NCKAP1: variants seen among roughly 807,000 people sequenced by gnomAD.
NCKAP1 encodes the protein nck-associated protein 1.
A neutral mutation model predicts 151.2 loss-of-function variants in NCKAP1; 21 were observed. The ratio of observed to expected loss-of-function variants is 0.14; its 90% CI spans 0.10 to 0.20. The LOEUF (loss-of-function observed/expected upper bound fraction) is 0.20, where lower values mean the gene tolerates loss of function less well. NCKAP1 is among the 10% of genes least tolerant of loss of function. The pLI is 1.00. For missense variants in NCKAP1, 933 were observed against 1,352.1 expected (o/e 0.69, Z 4.86); for synonymous variants, 484 against 451.8 (o/e 1.07, Z -0.90).
At chr2:182,979,479 C>G (rs1697894644) in intron 13 of NCKAP1, among the ~76,000 whole-genome samples, 2 of 151,900 alleles carry the variant, frequency 1.3e-5, no homozygotes, top group Admixed American at 6.6e-5. Flanking sequence ...AAAGTGGATG[C>G]TAAAAAATAA....
intron 12 of NCKAP1, 21 bp from the exon 13 acceptor site, chr2:182,981,397 A>C: frequency 6.6e-7 from 1 of 1,516,310 alleles, no homozygotes; most frequent in South Asian, 1.2e-5. Context: ...ATTTCAAGAA[A>C]AATATTCAAA....
chr2:183,007,809 C>G (rs931581920), intron 2 of NCKAP1, among the ~76,000 whole-genome samples: 3 of 152,190 alleles, frequency 2.0e-5, no homozygotes, highest in African/African-American at 7.2e-5. Flanking sequence ...CAGCTACCAC[C>G]CTAGTCATCA....
chr2:182,931,844 A>T (rs1007976978), intron 26 of NCKAP1, among the ~76,000 whole-genome samples: 13 of 152,206 alleles, frequency 8.5e-5, no homozygotes, highest in African/African-American at 3.1e-4. Flanking sequence ...TCCAAAGAAG[A>T]TATAGAAATA....
intron 13 of NCKAP1, among the ~76,000 whole-genome samples, chr2:182,979,834 T>C (rs1292218564): frequency 3.9e-5 from 6 of 152,098 alleles, no homozygotes; most frequent in South Asian, 2.1e-4. Flanking sequence ...GCAAATTACA[T>C]AAGGCATTTC....
intron 23 of NCKAP1, among the ~76,000 whole-genome samples, chr2:182,943,056 C>T (rs576778981): frequency 6.6e-6 from 1 of 152,228 alleles, no homozygotes; most frequent in East Asian, 1.9e-4. Context: ...AATTTCTGAT[C>T]TCTATATCTC....
intron 9 of NCKAP1, 25 bp downstream of exon 9, chr2:182,989,005 G>A (rs771590223): frequency 1.3e-5 from 20 of 1,596,064 alleles, no homozygotes; most frequent in Non-Finnish European, 1.6e-5. Flanking sequence ...CTCCAAAAAA[G>A]ACAAAATAAA....
chr2:182,960,436 C>T (rs1697422568), intron 18 of NCKAP1, among the ~76,000 whole-genome samples: 1 of 152,164 alleles, frequency 6.6e-6, no homozygotes, highest in Non-Finnish European at 1.5e-5. Context: ...CGCATATCTA[C>T]AACCATCTGA....
At chr2:182,944,579 C>T (rs966539751) in intron 23 of NCKAP1, among the ~76,000 whole-genome samples, 15 of 152,116 alleles carry the variant, frequency 9.9e-5, no homozygotes, top group Non-Finnish European at 8.8e-5. Context: ...CATAAGTACA[C>T]GTACATAGTG....
At chr2:182,949,379 G>A (rs975603527) in intron 23 of NCKAP1, among the ~76,000 whole-genome samples, 7 of 152,132 alleles carry the variant, frequency 4.6e-5, no homozygotes, top group Admixed American at 2.0e-4. Context: ...GTGAGCGTGC[G>A]TAAGTTATTT....
chr2:183,007,671 A>C (rs1698504462), intron 2 of NCKAP1, among the ~76,000 whole-genome samples: 1 of 152,186 alleles, frequency 6.6e-6, no homozygotes, highest in Non-Finnish European at 1.5e-5. Context: ...CTTAAAAAAA[A>C]ACCAAATTCA....
In NCKAP1 at chr2:183,016,890, A is replaced by T. The variant is rs113509965; in HGVS notation, c.219+6916T>A. Among the ~76,000 whole-genome samples the T allele has an allele frequency of 8.6e-3, 1,313 of 152,298 alleles. 18 individuals carry two copies. Among genetic ancestry groups the T allele is most frequent in the African/African-American group, 0.03 (1,251 of 41,548 alleles). On this transcript the variant is annotated intron_variant, in intron 2 of 30. Coordinates refer to ENST00000361354, the MANE Select transcript of NCKAP1 (RefSeq NM_013436.5). ...GCATTTGTCCCGGCAGGAAATGTAGACCTGAAGGGGATAAATTCAAATGAC... is the reference window on the plus strand; with the variant it reads ...GCATTTGTCCCGGCAGGAAATGTAGTCCTGAAGGGGATAAATTCAAATGAC...
At chr2:182,946,434 A>T (rs150361741) in intron 23 of NCKAP1, among the ~76,000 whole-genome samples, 1 of 151,926 alleles carries the variant, frequency 6.6e-6, no homozygotes, top group Non-Finnish European at 1.5e-5. Context: ...ACCAGGGCCT[A>T]CTTGAAGGTA....
At chr2:182,981,442 T>C (rs1331071317) in intron 12 of NCKAP1, 66 bp from the exon 13 acceptor site, 2 of 1,264,738 alleles carry the variant, frequency 1.6e-6, no homozygotes, top group African/African-American at 3.0e-5. Flanking sequence ...ATATATTCGA[T>C]GCCCTTAATC....
At chr2:182,993,463 G>A (rs1384412488) in intron 8 of NCKAP1, among the ~76,000 whole-genome samples, 1 of 152,138 alleles carries the variant, frequency 6.6e-6, no homozygotes, top group African/African-American at 2.4e-5. Flanking sequence ...GTGAGCCTAG[G>A]GGTGAGTAGG....
At chr2:183,025,390 GATGACTTTTGT>G (rs1559111109) in intron 1 of NCKAP1, among the ~76,000 whole-genome samples, 1 of 152,076 alleles carries the variant, frequency 6.6e-6, no homozygotes, top group East Asian at 1.9e-4. Flanking sequence ...ATTGTTATTG[GATGACTTTTGT>G]ATTTCAGCTC....
intron 23 of NCKAP1, among the ~76,000 whole-genome samples, chr2:182,944,281 T>A (rs1394460127): frequency 6.6e-6 from 1 of 152,116 alleles, no homozygotes; most frequent in East Asian, 1.9e-4. Flanking sequence ...AAATCAAGAT[T>A]TTTTTTAAAA....
At chr2:182,957,386 A>G in intron 19 of NCKAP1, 71 bp downstream of exon 19, 1 of 1,470,080 alleles carries the variant, frequency 6.8e-7, no homozygotes, top group Non-Finnish European at 9.2e-7. Context: ...CCTCAGTACT[A>G]ATGTCAATAG....
Position 182,983,395 on chromosome 2 carries a change from A to G in NCKAP1, c.1005-13T>C. ...GTGCATTGAACCACTATGGGGAAAGACACCATAATAGTTTATCTGCTTCTA... is the reference window on the plus strand; with the variant it reads ...GTGCATTGAACCACTATGGGGAAAGGCACCATAATAGTTTATCTGCTTCTA... On this transcript the variant is annotated splice_polypyrimidine_tract_variant and intron_variant, in intron 10 of 30. Coordinates refer to ENST00000361354, the MANE Select transcript of NCKAP1 (RefSeq NM_013436.5). 1 of 1,549,460 alleles carries G rather than the reference A, an allele frequency of 6.5e-7. No homozygotes were observed. Among genetic ancestry groups the G allele is most frequent in the Non-Finnish European group, 8.9e-7 (1 of 1,123,844 alleles).
chr2:182,995,669 T>C lies in NCKAP1; in HGVS notation c.741+32A>G, dbSNP rs112837132. 7 of 1,589,226 alleles carry C rather than the reference T, an allele frequency of 4.4e-6. 1 individual carries two copies. Among genetic ancestry groups the C allele is most frequent in the South Asian group, 3.4e-5 (3 of 87,098 alleles). On this transcript the variant is annotated intron_variant, in intron 7 of 30. Coordinates refer to ENST00000361354, the MANE Select transcript of NCKAP1 (RefSeq NM_013436.5). ...TATTATTTTTTTAAAAGTCACTTTA[T>C]TTTCATTCAAAAGAGAAAAATAGAA...
Sources: gnomAD v4.1 joint callset for allele counts (sites outside exome capture counted in the v4.1 genomes callset) on GRCh38, gnomAD v4.1.1 for gene constraint, MANE v1.5 for transcripts, NCBI Gene and HGNC (gene_info 2026-07-23, HGNC 2026-07-21) for gene names.